The following CENPM variants were observed in gnomAD, a reference collection of about 807,000 sequenced individuals.
CENPM encodes the protein centromere protein M, also known as interphase centromere complex protein 39.
In CENPM, 14 loss-of-function variants were observed where a neutral mutation model predicts 19.6. The observed-to-expected ratio is 0.71, with a 90% CI of 0.47 to 1.11. CENPM has a LOEUF of 1.11. CENPM is among the 50% of genes most tolerant of loss of function. The pLI, the probability that CENPM is intolerant of heterozygous loss-of-function variation, is 0.00. For missense variants in CENPM, 239 were observed against 228.4 expected (o/e 1.05, Z -0.30); for synonymous variants, 114 against 101.5 (o/e 1.12, Z -0.74).
chr22:41,945,293 G>A lies in CENPM; in HGVS notation c.242C>T (p.Thr81Ile), dbSNP rs1404480733. The change falls in exon 4 of 6, where the codon ACA (threonine) becomes ATA (isoleucine). Residue 81 changes from threonine (T) to isoleucine (I), a missense_variant. Thr to Ile is a moderately conservative substitution (Grantham distance 89). Coordinates refer to ENST00000215980, the MANE Select transcript of CENPM (RefSeq NM_024053.5). ...NLHSKYSLQN[T>I]EESLRHVDAS... ...ATCCACATGGCGCAGGGACTCCTCT[G>A]TGTTCTGGAGACTGGGGTGGCCAGG... 6.2e-7 allele frequency: 1 copy of A among 1,614,000 alleles called. No homozygotes were observed. The highest frequency in any genetic ancestry group is 1.1e-5 in the South Asian group (1 of 91,066).
At chr22:41,946,246 G>T in intron 2 of CENPM, 171 bp downstream of exon 2, 1 of 662,878 alleles carries the variant, frequency 1.5e-6, no homozygotes, top group Non-Finnish European at 2.6e-6. Context: ...CACCACCTCG[G>T]CAAGGGGAGG....
intron 5 of CENPM, chr22:41,940,110 C>G: frequency 2.6e-6 from 2 of 758,886 alleles, no homozygotes; most frequent in East Asian, 2.5e-5. Context: ...TGCTATTGTG[C>G]TGCAGCCACC....
chr22:41,942,528 A>C (rs1303855661), intron 5 of CENPM, among the ~76,000 whole-genome samples: 2 of 152,102 alleles, frequency 1.3e-5, no homozygotes, highest in Non-Finnish European at 2.9e-5. Flanking sequence ...AGGCGGGCGG[A>C]TCACGAGGTC....
intron 1 of CENPM, 46 bp from the exon 2 acceptor site, chr22:41,946,542 C>T: frequency 6.5e-7 from 1 of 1,541,492 alleles, no homozygotes; most frequent in Admixed American, 1.7e-5. Flanking sequence ...GGCACAGCAC[C>T]CCCTGGGGAG....
intron 2 of CENPM, 89 bp downstream of exon 2, chr22:41,946,328 G>A: frequency 9.0e-7 from 1 of 1,115,728 alleles, no homozygotes; most frequent in South Asian, 1.4e-5. Flanking sequence ...TCAGAGGAGG[G>A]GGCGCTGGGC....
At chr22:41,943,958 T>A (rs2077768589) in intron 4 of CENPM, among the ~76,000 whole-genome samples, 1 of 152,190 alleles carries the variant, frequency 6.6e-6, no homozygotes, top group African/African-American at 2.4e-5. Context: ...TGGCCTGCAT[T>A]TGCTCACCAA....
downstream of CENPM, among the ~76,000 whole-genome samples, chr22:41,937,353 T>C (rs550510471): frequency 1.3e-4 from 20 of 152,200 alleles, no homozygotes; most frequent in Non-Finnish European, 2.4e-4. Context: ...TGAAGTGCAG[T>C]GGTACGATCT....
At chr22:41,946,928 G>A in intron 1 of CENPM, 92 bp downstream of exon 1, 1 of 1,340,094 alleles carries the variant, frequency 7.5e-7, no homozygotes, top group Non-Finnish European at 1.1e-6. Flanking sequence ...GCGCGCGCTG[G>A]CTTGGCGCCT....
At chr22:41,941,111 G>A (rs1044217162) in intron 5 of CENPM, among the ~76,000 whole-genome samples, 1 of 152,164 alleles carries the variant, frequency 6.6e-6, no homozygotes, top group Non-Finnish European at 1.5e-5. Context: ...TGTTCCCAGG[G>A]CCCAGCACAG....
At chr22:41,927,941 T>G in the CENPM span, among the ~76,000 whole-genome samples, 24 of 152,206 alleles carry the variant, frequency 1.6e-4, no homozygotes, top group Non-Finnish European at 2.8e-4. Context: ...GAAGGCTTCA[T>G]GGAGAGGGCG....
intron 5 of CENPM, 73 bp downstream of exon 5, chr22:41,943,537 G>T: frequency 7.7e-7 from 1 of 1,292,746 alleles, no homozygotes; most frequent in Non-Finnish European, 1.1e-6. Context: ...CATTCCCAAT[G>T]TGCCCACTGT....
At chr22:41,927,951 G>A in the CENPM span, among the ~76,000 whole-genome samples, 2 of 152,226 alleles carry the variant, frequency 1.3e-5, no homozygotes, top group African/African-American at 2.4e-5. Context: ...TGGAGAGGGC[G>A]ATGGTGAAGT....
At position 41,943,660 on chromosome 22, in the gene CENPM, C is replaced by T. The variant is rs370619926; in HGVS notation, c.352G>A (p.Val118Met). 1.2e-6 allele frequency: 2 copies of T among 1,613,696 alleles called. No homozygotes were observed. Among genetic ancestry groups the T allele is most frequent in the Non-Finnish European group, 1.7e-6 (2 of 1,179,932 alleles). The change falls in exon 5 of 6, where the codon GTG becomes ATG. Residue 118 changes from valine (V) to methionine (M), a missense_variant. Coordinates refer to ENST00000215980, the MANE Select transcript of CENPM (RefSeq NM_024053.5). ...SHCSIHRHTV[V>M]KLAHTYQSPL... is the part of the protein sequence containing the mutation. Reference sequence around the variant, plus strand: ...CTTTGATAGGTGTGGGCCAGCTTCACCACGGTGTGCCGGTGAATGCTGCAG... The same window carrying T: ...CTTTGATAGGTGTGGGCCAGCTTCATCACGGTGTGCCGGTGAATGCTGCAG...
chr22:41,946,931 T>A (rs560761614), intron 1 of CENPM, 89 bp downstream of exon 1: 2 of 1,371,562 alleles, frequency 1.5e-6, no homozygotes, highest in African/African-American at 1.4e-5. Flanking sequence ...CGCGCTGGCT[T>A]GGCGCCTCAG....
chr22:41,943,641 T>C lies in CENPM; in HGVS notation c.371A>G (p.Tyr124Cys). The C allele has an allele frequency of 1.2e-6, 2 of 1,613,878 alleles. No individual in the cohort carries two copies. The highest frequency in any genetic ancestry group is 1.7e-6 in the Non-Finnish European group (2 of 1,179,916). ...RHTVVKLAHTYQSPLLYCDLE... is the reference protein window; with the variant it reads ...RHTVVKLAHTCQSPLLYCDLE... ...GTCACAGTAGAGCAGGGGGCTTTGATAGGTGTGGGCCAGCTTCACCACGGT... is the reference window on the plus strand; with the variant it reads ...GTCACAGTAGAGCAGGGGGCTTTGACAGGTGTGGGCCAGCTTCACCACGGT... Residue 124 changes from tyrosine (Y) to cysteine (C), a missense_variant, in exon 5 of 6, where the codon TAT becomes TGT. Transcript: ENST00000215980.
At chr22:41,945,732 G>A (rs2077792770) in intron 3 of CENPM, among the ~76,000 whole-genome samples, 181 bp downstream of exon 3, 1 of 152,070 alleles carries the variant, frequency 6.6e-6, no homozygotes, top group African/African-American at 2.4e-5. Context: ...CATTGTGCCC[G>A]GCCGTTGTGT....
intron 5 of CENPM, chr22:41,940,319 C>T (rs765581814): frequency 4.8e-5 from 29 of 601,264 alleles, no homozygotes; most frequent in East Asian, 3.1e-4. Context: ...CCACCTGACA[C>T]GCCACGCCTC....
downstream of CENPM, chr22:41,938,716 C>T (rs2077696337): frequency 4.4e-6 from 1 of 227,410 alleles, no homozygotes; most frequent in Non-Finnish European, 8.6e-6. Context: ...TCTACAAAGT[C>T]AAAGTGGTGA....
chr22:41,942,395 G>A (rs1303703204), intron 5 of CENPM, among the ~76,000 whole-genome samples: 6 of 152,188 alleles, frequency 3.9e-5, no homozygotes, highest in Admixed American at 2.6e-4. Context: ...AGGATCGCTT[G>A]AGGCCAGGAG....
Sources: allele counts gnomAD v4.1 joint callset (sites outside exome capture counted in the v4.1 genomes callset), GRCh38; gene constraint gnomAD v4.1.1; transcripts MANE v1.5; gene names NCBI Gene and HGNC (gene_info 2026-07-23, HGNC 2026-07-21).